SGTA: variants seen among roughly 807,000 people sequenced by gnomAD.
SGTA encodes small glutamine rich tetratricopeptide repeat co-chaperone alpha.
A neutral mutation model predicts 44.3 loss-of-function variants in SGTA; 22 were observed. The ratio of observed to expected loss-of-function variants is 0.50; its 90% CI spans 0.36 to 0.71. The LOEUF is 0.71. Among genes scored for constraint, SGTA ranks in the 30% least tolerant of loss-of-function variants. SGTA has a pLI of 0.00. For missense variants in SGTA, 341 were observed against 435.9 expected, an observed-to-expected ratio of 0.78 and a Z score of 1.94; for synonymous variants, 174 against 177.6, an observed-to-expected ratio of 0.98 and a Z score of 0.16.
chr19:2,773,825 G>A (rs1267996538), intron 1 of SGTA, among the ~76,000 whole-genome samples: 2 of 73,710 alleles, frequency 2.7e-5, no homozygotes, highest in African/African-American at 8.4e-5. Flanking sequence ...GACACCGAGG[G>A]CAGAGGTGGG....
chr19:2,778,671 T>C (rs1915500552), intron 1 of SGTA, among the ~76,000 whole-genome samples: 2 of 152,124 alleles, frequency 1.3e-5, no homozygotes, highest in South Asian at 4.1e-4. Flanking sequence ...GATCATTTGC[T>C]CTACTAAGGT....
At chr19:2,762,675 C>G in intron 6 of SGTA, 31 bp from the exon 7 acceptor site, 1 of 1,611,554 alleles carries the variant, frequency 6.2e-7, no homozygotes, top group African/African-American at 1.3e-5. Context: ...TGGACTGTTC[C>G]CATCTGCCCA....
At position 2,771,652 on chromosome 19, in the gene SGTA, G is replaced by A. The variant is rs187910649; in HGVS notation, c.-23-2561C>T. Among the ~76,000 whole-genome samples the A allele has an allele frequency of 4.5e-3, 689 of 151,968 alleles. 2 individuals carry two copies. Among genetic ancestry groups the A allele is most frequent in the Admixed American group, 6.5e-3 (100 of 15,270 alleles). On this transcript the variant is annotated intron_variant, in intron 1 of 11. Transcript: ENST00000221566. ...CCCCCACACAGGCAGGTACGTGGAC[G>A]GGTGCTGGTGCACCCTCCGTGTCCA... is the stretch of plus-strand genomic sequence containing the variant.
rs201893562 is a variant in SGTA, at chr19:2,757,342, G to A, written c.*1C>T. On this transcript the variant is annotated 3_prime_UTR_variant, in exon 11 of 12. Coordinates refer to ENST00000221566, the MANE Select transcript of SGTA (RefSeq NM_003021.4). ...CCCCGGCCCCATGCACTCACGCAGC[G>A]TCACTCCTGCTGGTCGTCGTTGCTG... 6.4e-5 allele frequency: 102 copies of A among 1,601,510 alleles called. No individual in the cohort carries two copies. Among genetic ancestry groups the A allele is most frequent in the Middle Eastern group, 3.3e-4 (2 of 6,046 alleles).
chr19:2,781,469 C>A (rs1405587619), intron 1 of SGTA, among the ~76,000 whole-genome samples: 1 of 152,208 alleles, frequency 6.6e-6, no homozygotes, highest in Non-Finnish European at 1.5e-5. Context: ...AACGCATAAA[C>A]CAAGGAGTGT....
chr19:2,771,093 G>C (rs1369018398), intron 1 of SGTA, among the ~76,000 whole-genome samples: 1 of 152,258 alleles, frequency 6.6e-6, no homozygotes, highest in Non-Finnish European at 1.5e-5. Flanking sequence ...CCCGGAAGCT[G>C]TCAGCCCAGC....
At chr19:2,757,819 C>T (rs1329110028) in intron 9 of SGTA, 37 bp from the exon 10 acceptor site, 3 of 1,433,984 alleles carry the variant, frequency 2.1e-6, no homozygotes, top group Non-Finnish European at 1.9e-6. Flanking sequence ...GCCGGGACAG[C>T]CTGACCGCCA....
intron 1 of SGTA, among the ~76,000 whole-genome samples, chr19:2,776,172 C>A (rs376571171): frequency 2.0e-5 from 3 of 152,190 alleles, no homozygotes; most frequent in African/African-American, 4.8e-5. Flanking sequence ...GTCTCCTGAC[C>A]CCCAAGCCCA....
At chr19:2,779,137 G>A (rs901697243) in intron 1 of SGTA, among the ~76,000 whole-genome samples, 1 of 152,096 alleles carries the variant, frequency 6.6e-6, no homozygotes, top group African/African-American at 2.4e-5. Context: ...AATCACTGAT[G>A]GCCACTAAGT....
chr19:2,757,707 G>T lies in SGTA; in HGVS notation c.813C>A (p.Ala271=), dbSNP rs1445925024. 2.5e-6 allele frequency: 4 copies of T among 1,591,532 alleles called. No homozygotes were observed. In the South Asian group the frequency reaches 4.6e-5, roughly 18 times the overall value. Residue 271 remains alanine, a synonymous_variant, in exon 10 of 12, where the codon GCC becomes GCA. Coordinates refer to ENST00000221566, the MANE Select transcript of SGTA (RefSeq NM_003021.4). The part of the protein sequence containing the change: ...PGTSPSQNDL[A]SLIQAGQQFA... ...GTTCCACTCACGCCTGGATGAGGCT[G>T]GCCAGGTCGTTCTGCGAGGGGCTGG...
Position 2,773,996 on chromosome 19 carries a change from TGGGTGAC to T in SGTA, c.-23-4912_-23-4906del, listed in dbSNP as rs1568312524. ...AGGGCAGGGACACCGAGGGCAGAGATGGGTGACGCGGCCACACGGCAGGGACACCAGA... is the reference window on the plus strand; with the variant it reads ...AGGGCAGGGACACCGAGGGCAGAGATGCGGCCACACGGCAGGGACACCAGA... On this transcript the variant is annotated intron_variant, in intron 1 of 11. Coordinates refer to ENST00000221566, the MANE Select transcript of SGTA (RefSeq NM_003021.4). 1.1e-4 allele frequency among the ~76,000 whole-genome samples: 16 copies of T among 150,740 alleles called. 2 individuals carry two copies. Among genetic ancestry groups the T allele is most frequent in the African/African-American group, 3.4e-4 (14 of 40,652 alleles).
intron 1 of SGTA, among the ~76,000 whole-genome samples, chr19:2,778,740 G>A (rs1915501823): frequency 6.6e-6 from 1 of 152,200 alleles, no homozygotes; most frequent in Non-Finnish European, 1.5e-5. Context: ...GAGCCCAGGA[G>A]TTTGAGGCCA....
At chr19:2,779,102 C>T (rs968261451) in intron 1 of SGTA, among the ~76,000 whole-genome samples, 6 of 152,186 alleles carry the variant, frequency 3.9e-5, no homozygotes, top group Admixed American at 6.5e-5. Flanking sequence ...TGTCCCCAGA[C>T]ACTGCCAAAC....
chr19:2,775,604 C>A (rs1026739195), intron 1 of SGTA, among the ~76,000 whole-genome samples: 1 of 152,168 alleles, frequency 6.6e-6, no homozygotes, highest in Non-Finnish European at 1.5e-5. Flanking sequence ...GGTGTGACAC[C>A]GACTCCATTT....
chr19:2,778,472 G>A (rs531554418), intron 1 of SGTA, among the ~76,000 whole-genome samples: 17 of 151,598 alleles, frequency 1.1e-4, no homozygotes, highest in South Asian at 4.2e-4. Context: ...GCTTTTGCAC[G>A]TGCTGCTTTC....
At chr19:2,779,094 T>A (rs1453502625) in intron 1 of SGTA, among the ~76,000 whole-genome samples, 2 of 152,022 alleles carry the variant, frequency 1.3e-5, no homozygotes, top group African/African-American at 2.4e-5. Context: ...ACCACACATG[T>A]CCCCAGACAC....
rs1397735810 is a variant in SGTA, at chr19:2,762,507, G to A, written c.635C>T (p.Pro212Leu). The A allele has an allele frequency of 6.2e-7, 1 of 1,613,814 alleles. No individual in the cohort carries two copies. The highest frequency in any genetic ancestry group is 8.5e-7 in the Non-Finnish European group (1 of 1,179,948). ...AELKLREAPS[P>L]TGGVGSFDIA... ...GCCACTCGCCCCCGCTGCACTCACG[G>A]GGCTGGGGGCCTCCCGCAGCTTCAG... The change falls in exon 7 of 12, where the codon CCC becomes CTC. Residue 212 changes from proline to leucine, a missense_variant and splice_region_variant. Coordinates refer to ENST00000221566, the MANE Select transcript of SGTA (RefSeq NM_003021.4).
rs1395852207 is a variant in SGTA, at chr19:2,763,340, C to G, written c.497+313G>C. ...CCTTCATCATAAACCAGGTGCTTCC[C>G]TGAGCTCTGTGAGCCGCCCCAGCAA... On this transcript the variant is annotated intron_variant, in intron 6 of 11. Transcript: ENST00000221566. This position sits in a 1 kb window ranked among gnomAD's most constrained non-coding sequence, Gnocchi z 5.8. Among the ~76,000 whole-genome samples, 1 of 152,198 alleles carries G rather than the reference C, an allele frequency of 6.6e-6. No individual in the cohort carries two copies. Among genetic ancestry groups the G allele is most frequent in the African/African-American group, 2.4e-5 (1 of 41,462 alleles).
At chr19:2,764,741 T>C (rs1915092435) in intron 5 of SGTA, among the ~76,000 whole-genome samples, 1 of 152,152 alleles carries the variant, frequency 6.6e-6, no homozygotes, top group African/African-American at 2.4e-5. Flanking sequence ...TAATTTTGTA[T>C]TTTTAGTAAA....
Sources: gnomAD v4.1 joint callset for allele counts (sites outside exome capture counted in the v4.1 genomes callset) on GRCh38, gnomAD v4.1.1 for gene constraint, Gnocchi (gnomAD v3.1) non-coding constraint, MANE v1.5 for transcripts, NCBI Gene and HGNC (gene_info 2026-07-23, HGNC 2026-07-21) for gene names.